Variants in JAK1 observed in about 807,000 individuals in gnomAD.
JAK1 encodes tyrosine-protein kinase JAK1.
In JAK1, 16 loss-of-function variants were observed where a neutral mutation model predicts 136.6. The ratio of observed to expected loss-of-function variants is 0.12; its 90% CI spans 0.08 to 0.18. JAK1 has a LOEUF of 0.18. Among genes scored for constraint, JAK1 ranks in the 10% least tolerant of loss-of-function variants. The probability of loss-of-function intolerance (pLI) is 1.00; values close to 1 mark genes in which losing one functional copy is unlikely to be tolerated. For synonymous variants in JAK1, 492 were observed against 519.5 expected (o/e 0.95, Z 0.72); for missense variants, 859 against 1,450.1 (o/e 0.59, Z 6.62).
chr1:65,019,080 T>A lies in JAK1; in HGVS notation c.-78+25400A>T, dbSNP rs137940329. Among the ~76,000 whole-genome samples, 508 of 152,170 alleles carry A rather than the reference T, an allele frequency of 3.3e-3. 3 individuals are homozygous for A. Among genetic ancestry groups the A allele is most frequent in the Middle Eastern group, 0.01 (3 of 294 alleles). ...CTCGAACAATCCTATGATCATTAAA[T>A]AAGTTGAATCGTTTACAGAAAATCC... On this transcript the variant is annotated intron_variant, in intron 2 of 25. Coordinates refer to the JAK1 transcript ENST00000671954.
chr1:64,924,714 T>C (rs1645553102), intron 1 of JAK1, among the ~76,000 whole-genome samples: 1 of 152,234 alleles, frequency 6.6e-6, no homozygotes, highest in East Asian at 1.9e-4. Context: ...AATTGAAAGA[T>C]GGCATCTACT....
chr1:64,985,782 C>T (rs1646593087), intron 2 of JAK1: 1 of 637,556 alleles, frequency 1.6e-6, no homozygotes, highest in Non-Finnish European at 2.9e-6. Context: ...CATAAGGCAG[C>T]CACCAGTGGC....
At chr1:64,847,383 A>T (rs1366127856) in intron 13 of JAK1, 149 bp downstream of exon 13, 4 of 861,370 alleles carry the variant, frequency 4.6e-6, no homozygotes, top group Non-Finnish European at 7.4e-6. Context: ...GTCCACTAAG[A>T]TCATATGTGG....
chr1:64,882,344 A>G (rs1214009760), intron 3 of JAK1, among the ~76,000 whole-genome samples: 6 of 152,252 alleles, frequency 3.9e-5, no homozygotes, highest in African/African-American at 1.4e-4. Flanking sequence ...AGGTGGGATA[A>G]GTAAAGTAGG....
At chr1:64,991,429 T>C (rs1321938718) in intron 2 of JAK1, 1 of 152,276 alleles carries the variant, frequency 6.6e-6, no homozygotes, top group Admixed American at 6.5e-5. Context: ...GCATGCACAC[T>C]GTGATATTTC....
intron 2 of JAK1, among the ~76,000 whole-genome samples, chr1:65,034,632 T>C (rs996874566): frequency 4.6e-5 from 7 of 152,176 alleles, no homozygotes; most frequent in Admixed American, 2.6e-4. Context: ...GCAAAGTTGT[T>C]TTTCACTTAA....
intron 8 of JAK1, among the ~76,000 whole-genome samples, chr1:64,860,477 G>T (rs1274294113): frequency 6.8e-6 from 1 of 146,756 alleles, no homozygotes; most frequent in African/African-American, 2.5e-5. Context: ...TATTTGAGAT[G>T]GAGTTTCACT....
chr1:64,935,021 G>T (rs910916027), intron 1 of JAK1, among the ~76,000 whole-genome samples: 3 of 152,050 alleles, frequency 2.0e-5, no homozygotes, highest in African/African-American at 7.3e-5. Flanking sequence ...CTGGCTGTGG[G>T]GATATGCACC....
At chr1:64,868,261 AAAG>A (rs1656834498) in intron 6 of JAK1, among the ~76,000 whole-genome samples, 1 of 152,100 alleles carries the variant, frequency 6.6e-6, no homozygotes, top group Non-Finnish European at 1.5e-5. Flanking sequence ...CCCCTGAAAC[AAAG>A]AACAAGTCCA....
In JAK1 at chr1:64,855,635, T is replaced by A; in HGVS notation, c.1522A>T (p.Ser508Cys). ...AAGCTGCGGTCCGAACCGTGCAGAC[T>A]GTAGCGGCCCTTCTGCACCTCGATC... is the stretch of plus-strand genomic sequence containing the variant. ...FQIEVQKGRY[S>C]LHGSDRSFPS... Residue 508 changes from serine (S) to cysteine (C), a missense_variant, in exon 11 of 25, where the codon AGT becomes TGT. Coordinates refer to ENST00000342505, the MANE Select transcript of JAK1 (RefSeq NM_002227.4). The A allele has an allele frequency of 6.2e-7, 1 of 1,614,166 alleles. No homozygotes were observed. Among genetic ancestry groups the A allele is most frequent in the South Asian group, 1.1e-5 (1 of 91,072 alleles).
rs780073987 is a variant in JAK1 at position 64,838,024 on chromosome 1, T to G, written c.3048A>C (p.Gln1016His). The change falls in exon 22 of 25, where the codon CAA becomes CAC. Residue 1016 changes from glutamine to histidine, a missense_variant. Coordinates refer to ENST00000342505, the MANE Select transcript of JAK1 (RefSeq NM_002227.4). ...ARNVLVESEH[Q>H]VKIGDFGLTK... The stretch of plus-strand genomic sequence containing the variant: ...TTAAACCGAAGTCTCCAATTTTCAC[T>G]TGGTGTTCACTCTCAACAAGGACAT... 1 of 1,614,212 alleles carries G rather than the reference T, an allele frequency of 6.2e-7. No homozygotes were observed. Among genetic ancestry groups the G allele is most frequent in the African/African-American group, 1.3e-5 (1 of 75,060 alleles).
chr1:65,028,061 G>T (rs962281330), intron 2 of JAK1, among the ~76,000 whole-genome samples: 3 of 152,164 alleles, frequency 2.0e-5, no homozygotes, highest in Non-Finnish European at 4.4e-5. Context: ...CTCTTTTTAT[G>T]ATTCCTTTGG....
intron 12 of JAK1, among the ~76,000 whole-genome samples, chr1:64,848,534 C>T (rs1199855821): frequency 2.0e-5 from 3 of 152,156 alleles, no homozygotes; most frequent in Non-Finnish European, 4.4e-5. Context: ...GGGAACAATA[C>T]CCCCAGATGA....
At chr1:64,837,549 T>G (rs1485967484) in intron 22 of JAK1, among the ~76,000 whole-genome samples, 1 of 151,876 alleles carries the variant, frequency 6.6e-6, no homozygotes, top group Admixed American at 6.5e-5. Flanking sequence ...CAATGCCCAC[T>G]CTGTCCTACA....
chr1:65,020,806 A>C (rs1646931492), intron 2 of JAK1, among the ~76,000 whole-genome samples: 1 of 152,208 alleles, frequency 6.6e-6, no homozygotes, highest in African/African-American at 2.4e-5. Flanking sequence ...CCATCTACAA[A>C]GGTGTGGGCA....
At chr1:65,046,146 T>C (rs1647181121) in intron 1 of JAK1, among the ~76,000 whole-genome samples, 1 of 152,114 alleles carries the variant, frequency 6.6e-6, no homozygotes, top group Non-Finnish European at 1.5e-5. Flanking sequence ...TCCACAGACA[T>C]CACTATTATT....
intron 1 of JAK1, among the ~76,000 whole-genome samples, chr1:64,926,012 T>C (rs754005000): frequency 6.6e-6 from 1 of 152,022 alleles, no homozygotes; most frequent in Non-Finnish European, 1.5e-5. Flanking sequence ...GCATATCAAA[T>C]AAAAGCCAAA....
At chr1:64,862,617 G>A (rs551748448) in intron 8 of JAK1, among the ~76,000 whole-genome samples, 1 of 152,210 alleles carries the variant, frequency 6.6e-6, no homozygotes, top group Non-Finnish European at 1.5e-5. Flanking sequence ...GCACCAACTT[G>A]TGTTGGTGCT....
intron 1 of JAK1, among the ~76,000 whole-genome samples, chr1:64,907,477 A>G (rs1167638117): frequency 6.6e-6 from 1 of 152,196 alleles, no homozygotes; most frequent in Non-Finnish European, 1.5e-5. Flanking sequence ...GTTCAATAAG[A>G]CATACAAATA....
Sources: gnomAD v4.1 joint callset for allele counts (sites outside exome capture counted in the v4.1 genomes callset) on GRCh38, gnomAD v4.1.1 for gene constraint, MANE v1.5 for transcripts, NCBI Gene and HGNC (gene_info 2026-07-23, HGNC 2026-07-21) for gene names.